Variants in CHST15 observed in about 807,000 individuals in gnomAD.
The protein encoded by CHST15 is B cell RAG associated protein (GALNAC4S-6ST).
A neutral mutation model predicts 53.6 loss-of-function variants in CHST15; 30 were observed. The ratio of observed to expected loss-of-function variants is 0.56; its 90% CI spans 0.42 to 0.76. The LOEUF is 0.76. Among genes scored for constraint, CHST15 ranks in the 30% least tolerant of loss-of-function variants. The probability of loss-of-function intolerance (pLI) is 0.00; values close to 1 mark genes in which losing one functional copy is unlikely to be tolerated. For synonymous variants in CHST15, 296 were observed against 289.8 expected, an observed-to-expected ratio of 1.02 and a Z score of -0.22; for missense variants, 627 against 740.5, an observed-to-expected ratio of 0.85 and a Z score of 1.78.
chr10:124,010,736 C>T (rs1946388313), intron 7 of CHST15: 1 of 985,466 alleles, frequency 1.0e-6, no homozygotes, highest in Non-Finnish European at 1.2e-6. Flanking sequence ...TTTTCCTGCT[C>T]AGCAGCCCTC....
Position 124,044,862 on chromosome 10 carries a change from C to G in CHST15, c.604G>C (p.Glu202Gln). 1 of 1,488,242 alleles carries G rather than the reference C, an allele frequency of 6.7e-7. No individual in the cohort carries two copies. The highest frequency in any genetic ancestry group is 9.0e-7 in the Non-Finnish European group (1 of 1,116,830). The allele number at this position is 1,488,242 out of a possible 1,614,324, so 92.2% of individuals were successfully genotyped here. A position where few individuals can be genotyped will look rare whatever the true frequency, so the allele number is the denominator to read the frequency against. ...GTGGTGTTCTGCCCCGAGAACTCCT[C>G]GTACCAACAGGGGCTCTTACTGTTT... The part of the protein sequence containing the change: ...LPNSKSPCWY[E>Q]EFSGQNTTDP... Residue 202 changes from glutamate (E) to glutamine (Q), a missense_variant, in exon 3 of 8, where the codon GAG becomes CAG. By Grantham distance (29) the Glu-to-Gln change is conservative (BLOSUM62 2). Coordinates refer to ENST00000435907, the MANE Select transcript of CHST15 (RefSeq NM_001270764.2).
intron 3 of CHST15, among the ~76,000 whole-genome samples, chr10:124,043,836 G>C (rs188112958): frequency 1.2e-4 from 18 of 152,346 alleles, no homozygotes; most frequent in African/African-American, 2.6e-4. Context: ...TCTCCCCCAG[G>C]TGCAGTGACT....
Position 124,075,345 on chromosome 10 carries a change from C to T in CHST15, c.-513+18124G>A, listed in dbSNP as rs189214334. Among the ~76,000 whole-genome samples the T allele has an allele frequency of 2.0e-5, 3 of 152,288 alleles. No homozygotes were observed. The East Asian group carries it at 5.8e-4, about 29-fold the overall frequency. On this transcript the variant is annotated intron_variant, in intron 1 of 7. Transcript: ENST00000435907. ...GCCTCCAGCACTGCAGGCTTCCTGC[C>T]CTGCTGTCTCTCCCCAGCCAGGAGG...
chr10:124,071,583 A>G (rs1218381846), intron 1 of CHST15, among the ~76,000 whole-genome samples: 1 of 152,250 alleles, frequency 6.6e-6, no homozygotes, highest in Non-Finnish European at 1.5e-5. Context: ...CCACTTCAAC[A>G]TGTAGTCAGT....
chr10:124,079,082 T>C (rs28759024), intron 1 of CHST15, among the ~76,000 whole-genome samples: 6,135 of 152,248 alleles, frequency 0.04, 358 homozygotes, highest in East Asian at 0.21. Context: ...TGGGAAGAGA[T>C]GCTGAATGAA....
intron 1 of CHST15, among the ~76,000 whole-genome samples, chr10:124,087,299 G>A (rs1949463454): frequency 6.6e-6 from 1 of 152,138 alleles, no homozygotes; most frequent in Non-Finnish European, 1.5e-5. Flanking sequence ...TGGGAGGGAT[G>A]GGATCGCCAC....
At chr10:124,061,943 G>A (rs925585388) in intron 1 of CHST15, among the ~76,000 whole-genome samples, 1 of 151,438 alleles carries the variant, frequency 6.6e-6, no homozygotes, top group African/African-American at 2.4e-5. Flanking sequence ...AAGCTGCACT[G>A]TGTCCCCTCC....
chr10:124,077,489 G>A (rs866454295), intron 1 of CHST15, among the ~76,000 whole-genome samples: 7 of 151,904 alleles, frequency 4.6e-5, no homozygotes, highest in South Asian at 2.1e-4. Flanking sequence ...TCAAATTTAC[G>A]AGCCGAGGCT....
intron 5 of CHST15, among the ~76,000 whole-genome samples, chr10:124,025,131 A>G (rs910727251): frequency 3.9e-5 from 6 of 152,240 alleles, no homozygotes; most frequent in African/African-American, 1.4e-4. Context: ...AAATAAAACA[A>G]AAGCACCTAA....
At chr10:124,054,372 C>T (rs1375339231) in intron 1 of CHST15, among the ~76,000 whole-genome samples, 4 of 152,320 alleles carry the variant, frequency 2.6e-5, no homozygotes, top group African/African-American at 4.8e-5. Context: ...CTGTTAAGTT[C>T]GTCATCAACA....
intron 1 of CHST15, among the ~76,000 whole-genome samples, chr10:124,078,325 C>A (rs1454833339): frequency 1.3e-5 from 2 of 152,232 alleles, no homozygotes; most frequent in African/African-American, 4.8e-5. Context: ...GCAGGGTGAA[C>A]TCCTCTGAAC....
In CHST15 at chr10:124,038,358, G is replaced by A. The variant is rs531468829; in HGVS notation, c.1190+157C>T. ...TGACCTCAGGCGATCCACCCACCCC[G>A]GCCTCCCAAAGTGCTGGGATTACAG... On this transcript the variant is annotated intron_variant, in intron 5 of 7. Transcript: ENST00000435907. Among the ~76,000 whole-genome samples the A allele has an allele frequency of 5.9e-5, 9 of 152,030 alleles. No individual in the cohort carries two copies. In the South Asian group the frequency reaches 6.2e-4, roughly 11 times the overall value.
chr10:124,081,339 TGC>T (rs1564914646), intron 1 of CHST15, among the ~76,000 whole-genome samples: 1 of 150,716 alleles, frequency 6.6e-6, no homozygotes, highest in Non-Finnish European at 1.5e-5. Context: ...TCCAGGTCCA[TGC>T]ATGCACACAC....
At chr10:124,059,871 A>C (rs1010819284) in intron 1 of CHST15, among the ~76,000 whole-genome samples, 1 of 152,134 alleles carries the variant, frequency 6.6e-6, no homozygotes, top group African/African-American at 2.4e-5. Context: ...ATTGGAATTT[A>C]TTTCTTTCTG....
intron 1 of CHST15, among the ~76,000 whole-genome samples, chr10:124,063,284 G>A (rs886836380): frequency 2.0e-5 from 3 of 152,120 alleles, no homozygotes; most frequent in South Asian, 2.1e-4. Context: ...TCGGGAGGCC[G>A]AGGCAGGAGA....
intron 5 of CHST15, among the ~76,000 whole-genome samples, chr10:124,031,477 G>A (rs577001547): frequency 3.9e-5 from 6 of 152,306 alleles, no homozygotes; most frequent in South Asian, 2.1e-4. Flanking sequence ...AGCCTGTACC[G>A]CAGGAATCCT....
chr10:124,069,673 A>T (rs1948853521), intron 1 of CHST15, among the ~76,000 whole-genome samples: 1 of 152,206 alleles, frequency 6.6e-6, no homozygotes, highest in African/African-American at 2.4e-5. Flanking sequence ...GAGGCAGAGC[A>T]GGGGACCCAG....
chr10:124,058,555 T>C (rs112208388), intron 1 of CHST15, among the ~76,000 whole-genome samples: 5,601 of 152,290 alleles, frequency 0.037, 333 homozygotes, highest in African/African-American at 0.13. Context: ...CGAACGAAGC[T>C]GTTATTGGCA....
intron 5 of CHST15, among the ~76,000 whole-genome samples, chr10:124,027,866 T>C (rs1318970605): frequency 6.6e-6 from 1 of 152,224 alleles, no homozygotes; most frequent in Non-Finnish European, 1.5e-5. Context: ...CTCACCCAGC[T>C]GGATGTGGCC....
Sources: allele counts gnomAD v4.1 joint callset (sites outside exome capture counted in the v4.1 genomes callset), GRCh38; gene constraint gnomAD v4.1.1; transcripts MANE v1.5; gene names NCBI Gene and HGNC (gene_info 2026-07-23, HGNC 2026-07-21).